RARB: variants seen among roughly 807,000 people sequenced by gnomAD.
RARB encodes the protein retinoic acid receptor beta.
Under a neutral mutation model 51.9 loss-of-function variants are expected in RARB, and 17 were observed. The observed-to-expected ratio is 0.33, with a 90% CI of 0.22 to 0.49. The LOEUF (loss-of-function observed/expected upper bound fraction) is 0.49, where lower values mean the gene tolerates loss of function less well. RARB is among the 20% of genes least tolerant of loss of function. RARB has a pLI of 0.99. For missense variants in RARB, 369 were observed against 550.8 expected, an observed-to-expected ratio of 0.67 and a Z score of 3.30; for synonymous variants, 215 against 195.4, an observed-to-expected ratio of 1.10 and a Z score of -0.84.
At chr3:25,159,706 G>A (rs1700443922) in intron 4 of RARB, among the ~76,000 whole-genome samples, 1 of 152,110 alleles carries the variant, frequency 6.6e-6, no homozygotes, top group Admixed American at 6.5e-5. Context: ...AACAAAAAGG[G>A]GGGCAGGTCT....
rs1491520085 is a variant in RARB at position 24,832,652 on chromosome 3, A to ATATATATATATATATATATATATATAT, written c.-459+3250_-459+3251insATATATATATATATATATATATATATT. 1.3e-3 allele frequency among the ~76,000 whole-genome samples: 79 copies of ATATATATATATATATATATATATATAT among 61,020 alleles called. 2 individuals are homozygous for ATATATATATATATATATATATATATAT. The highest frequency in any genetic ancestry group is 7.1e-3 in the African/African-American group (75 of 10,526). The allele number at this position is 61,020 out of a possible 152,430, so 40.0% of individuals were successfully genotyped here. A position where few individuals can be genotyped will look rare whatever the true frequency, so the allele number is the denominator to read the frequency against. Reference sequence around the variant, plus strand: ...CAATATATATATATATATATATATAATGTCAATTAAAAATGAAATTCTTAA... The same window carrying ATATATATATATATATATATATATATAT: ...CAATATATATATATATATATATATAATATATATATATATATATATATATATATTGTCAATTAAAAATGAAATTCTTAA... On this transcript the variant is annotated intron_variant, in intron 1 of 11. Coordinates refer to the RARB transcript ENST00000383772.
At chr3:25,430,972 A>G (rs1396210392) in intron 1 of RARB, among the ~76,000 whole-genome samples, 4 of 147,776 alleles carry the variant, frequency 2.7e-5, no homozygotes, top group African/African-American at 1.0e-4. Flanking sequence ...TTTTTTTAGC[A>G]TAAATAAAAC....
intron 3 of RARB, among the ~76,000 whole-genome samples, chr3:25,111,659 A>G (rs1236032491): frequency 6.8e-6 from 1 of 147,416 alleles, no homozygotes; most frequent in Non-Finnish European, 1.5e-5. Flanking sequence ...GCTCACTGCA[A>G]CCTCCGCCTC....
At chr3:25,534,007 T>C (rs1699031454) in intron 3 of RARB, among the ~76,000 whole-genome samples, 2 of 152,260 alleles carry the variant, frequency 1.3e-5, no homozygotes, top group African/African-American at 4.8e-5. Flanking sequence ...TCCTTGCTCA[T>C]GTCTAGCAAT....
chr3:25,208,669 C>A (rs1013927588), intron 5 of RARB, among the ~76,000 whole-genome samples: 2 of 152,090 alleles, frequency 1.3e-5, no homozygotes, highest in Non-Finnish European at 2.9e-5. Flanking sequence ...AGCCCTCTGA[C>A]CTGACAATGC....
intron 1 of RARB, among the ~76,000 whole-genome samples, chr3:25,460,108 A>C (rs1398101468): frequency 6.6e-6 from 1 of 152,206 alleles, no homozygotes; most frequent in Non-Finnish European, 1.5e-5. Context: ...AGTGAATCGC[A>C]CCACTCTGTG....
At chr3:24,986,668 T>C (rs1304108664) in intron 2 of RARB, among the ~76,000 whole-genome samples, 1 of 152,224 alleles carries the variant, frequency 6.6e-6, no homozygotes, top group African/African-American at 2.4e-5. Flanking sequence ...ATAAAAACAA[T>C]TTGTAGTTAA....
intron 5 of RARB, chr3:25,259,147 A>G: frequency 2.3e-6 from 2 of 863,528 alleles, no homozygotes; most frequent in Non-Finnish European, 2.8e-6. Flanking sequence ...ACTATTTAAT[A>G]ATATAGTAAA....
chr3:25,191,410 C>G (rs1452221515), intron 5 of RARB, among the ~76,000 whole-genome samples: 1 of 152,006 alleles, frequency 6.6e-6, no homozygotes, highest in African/African-American at 2.4e-5. Flanking sequence ...ACTTTTATCC[C>G]TCCCATGAAA....
Position 25,596,864 on chromosome 3 carries a change from A to ATTTTCCT in RARB, c.*249_*255dup, listed in dbSNP as rs1269534689. On this transcript the variant is annotated 3_prime_UTR_variant, in exon 8 of 8. Coordinates refer to ENST00000330688, the MANE Select transcript of RARB (RefSeq NM_000965.5). ...AACCAGAAACTAGTTAAAAGCTTCT[A>ATTTTCCT]TTTTCCTCTTTGAACACTCAAGATT... The ATTTTCCT allele has an allele frequency of 2.8e-6, 1 of 351,512 alleles. No individual in the cohort carries two copies. Among genetic ancestry groups the ATTTTCCT allele is most frequent in the Non-Finnish European group, 5.2e-6 (1 of 193,908 alleles). 21.8% of individuals were successfully genotyped at this position (351,512 alleles called of 1,614,324 possible). A position where few individuals can be genotyped will look rare whatever the true frequency, so the allele number is the denominator to read the frequency against.
At chr3:24,887,309 A>C (rs546266757) in intron 2 of RARB, among the ~76,000 whole-genome samples, 5 of 152,336 alleles carry the variant, frequency 3.3e-5, no homozygotes, top group African/African-American at 1.2e-4. Context: ...TCAATGAAAG[A>C]TTTATATCTG....
chr3:25,292,599 C>T (rs1703817269), intron 5 of RARB, among the ~76,000 whole-genome samples: 1 of 152,022 alleles, frequency 6.6e-6, no homozygotes, highest in African/African-American at 2.4e-5. Context: ...GCTTCATATC[C>T]CTGACAGAGT....
At chr3:25,422,125 G>A (rs1034014535) in intron 5 of RARB, among the ~76,000 whole-genome samples, 8 of 152,148 alleles carry the variant, frequency 5.3e-5, no homozygotes, top group African/African-American at 9.7e-5. Flanking sequence ...TTTAAAAGCC[G>A]ACTAACAGTT....
intron 5 of RARB, among the ~76,000 whole-genome samples, chr3:25,344,259 T>C (rs1705320884): frequency 6.6e-6 from 1 of 152,202 alleles, no homozygotes. Flanking sequence ...ATCATACGTA[T>C]GAAAAAATTT....
At chr3:24,988,082 G>T (rs1232777703) in intron 2 of RARB, among the ~76,000 whole-genome samples, 5 of 152,040 alleles carry the variant, frequency 3.3e-5, no homozygotes, top group South Asian at 2.1e-4. Flanking sequence ...CTTGCTAGAT[G>T]TAATTGTCTC....
chr3:24,896,505 C>T (rs563517722), intron 2 of RARB, among the ~76,000 whole-genome samples: 54 of 152,094 alleles, frequency 3.6e-4, no homozygotes, highest in African/African-American at 8.9e-4. Context: ...CTGATCCGCC[C>T]GCCTCGGCCT....
At chr3:25,410,784 G>A (rs904092421) in intron 5 of RARB, among the ~76,000 whole-genome samples, 5 of 152,166 alleles carry the variant, frequency 3.3e-5, no homozygotes, top group Admixed American at 6.5e-5. Flanking sequence ...GAGTATTTAC[G>A]CCACAGAAAT....
intron 5 of RARB, among the ~76,000 whole-genome samples, chr3:25,194,515 A>G (rs1178027770): frequency 6.6e-6 from 1 of 150,538 alleles, no homozygotes. Flanking sequence ...TGATATATAT[A>G]TGTTGATATA....
intron 2 of RARB, among the ~76,000 whole-genome samples, chr3:24,984,532 T>C (rs182366720): frequency 6.6e-6 from 1 of 152,348 alleles, no homozygotes; most frequent in Non-Finnish European, 1.5e-5. Context: ...CTCACTTATA[T>C]GTGGGATCTA....
Sources: gnomAD v4.1 joint callset for allele counts (sites outside exome capture counted in the v4.1 genomes callset) on GRCh38, gnomAD v4.1.1 for gene constraint, MANE v1.5 for transcripts, NCBI Gene and HGNC (gene_info 2026-07-23, HGNC 2026-07-21) for gene names.